Variants in ARHGAP19 observed in about 807,000 individuals in gnomAD.
ARHGAP19 encodes the protein Rho GTPase activating protein 19.
ARHGAP19 carries 48 observed loss-of-function variants against 60.9 expected under a neutral mutation model. The ratio of observed to expected loss-of-function variants is 0.79; its 90% CI spans 0.62 to 1.00. ARHGAP19 has a LOEUF of 1.00. Among genes scored for constraint, ARHGAP19 ranks in the 50% least tolerant of loss-of-function variants. ARHGAP19 has a pLI of 0.00. For synonymous variants in ARHGAP19, 209 were observed against 215.5 expected (o/e 0.97, Z 0.27); for missense variants, 562 against 597.2 (o/e 0.94, Z 0.61).
chr10:97,231,598 T>A (rs1425221784), intron 9 of ARHGAP19, among the ~76,000 whole-genome samples: 1 of 152,222 alleles, frequency 6.6e-6, no homozygotes, highest in Non-Finnish European at 1.5e-5. Flanking sequence ...CTTAGCATAA[T>A]ATCTTCAAGA....
chr10:97,226,330 G>A (rs545509217), intron 11 of ARHGAP19, among the ~76,000 whole-genome samples, 198 bp from the exon 12 acceptor site: 18 of 152,206 alleles, frequency 1.2e-4, no homozygotes, highest in East Asian at 7.7e-4. Flanking sequence ...CTTAATGGCC[G>A]TAACAGCTAA....
intron 6 of ARHGAP19, among the ~76,000 whole-genome samples, chr10:97,250,210 T>C (rs1195977928): frequency 6.6e-6 from 1 of 152,200 alleles, no homozygotes; most frequent in East Asian, 1.9e-4. Flanking sequence ...TGAACATATA[T>C]AGAGAGAGAT....
intron 4 of ARHGAP19, 103 bp from the exon 5 acceptor site, chr10:97,259,731 GA>G: frequency 3.8e-6 from 3 of 797,834 alleles, no homozygotes; most frequent in Non-Finnish European, 6.3e-6. Context: ...AAGAAAGAGG[GA>G]AAAAAGATTC....
chr10:97,279,979 C>G (rs117892662), intron 1 of ARHGAP19, among the ~76,000 whole-genome samples: 6,697 of 152,222 alleles, frequency 0.044, 211 homozygotes, highest in Non-Finnish European at 0.061. Context: ...CCAATTTACT[C>G]ACTCATTTAT....
chr10:97,286,961 T>C (rs1464748397), intron 1 of ARHGAP19, among the ~76,000 whole-genome samples: 1 of 152,136 alleles, frequency 6.6e-6, no homozygotes, highest in Middle Eastern at 3.2e-3. Context: ...GTTGTTGTTG[T>C]TGTTTGTACA....
At chr10:97,256,566 A>G in intron 5 of ARHGAP19, 162 bp from the exon 6 acceptor site, 1 of 543,460 alleles carries the variant, frequency 1.8e-6, no homozygotes, top group South Asian at 2.6e-5. Flanking sequence ...TCAGGATATG[A>G]CATAATCTAG....
chr10:97,288,698 G>A (rs1440005423), intron 1 of ARHGAP19, among the ~76,000 whole-genome samples: 1 of 151,330 alleles, frequency 6.6e-6, no homozygotes, highest in South Asian at 2.1e-4. Context: ...AGAAATGACA[G>A]ACTACTATTC....
At chr10:97,238,816 T>C in intron 8 of ARHGAP19, among the ~76,000 whole-genome samples, 1 of 152,200 alleles carries the variant, frequency 6.6e-6, no homozygotes, top group Non-Finnish European at 1.5e-5. Flanking sequence ...GTCAGCAATG[T>C]CCTAGGTCTT....
intron 1 of ARHGAP19, among the ~76,000 whole-genome samples, chr10:97,288,017 G>A (rs929807483): frequency 7.9e-5 from 12 of 152,224 alleles, no homozygotes; most frequent in African/African-American, 2.6e-4. Flanking sequence ...AGCCAAGATC[G>A]TGCCATTGCA....
rs554584826 is a variant in ARHGAP19, at chr10:97,273,252, T to C, written c.57-7127A>G. On this transcript the variant is annotated intron_variant, in intron 1 of 11. Transcript: ENST00000358531. Reference sequence around the variant, plus strand: ...GTCTTGGCTCACTGCAACCTCCACCTCCCAGATTCAAGCAATTCTCGTGCC... The same window carrying C: ...GTCTTGGCTCACTGCAACCTCCACCCCCCAGATTCAAGCAATTCTCGTGCC... 7.8e-4 allele frequency among the ~76,000 whole-genome samples: 119 copies of C among 152,116 alleles called. 2 individuals are homozygous for C. In the South Asian group the frequency reaches 0.021, roughly 27 times the overall value.
intron 7 of ARHGAP19, among the ~76,000 whole-genome samples, chr10:97,245,540 G>A (rs1032094194): frequency 2.7e-5 from 4 of 149,196 alleles, no homozygotes; most frequent in Admixed American, 2.7e-4. Flanking sequence ...GAGAACCAGG[G>A]AGCCAAGATC....
chr10:97,245,490 G>A (rs1056799257), intron 7 of ARHGAP19, among the ~76,000 whole-genome samples: 7 of 151,286 alleles, frequency 4.6e-5, no homozygotes, highest in Non-Finnish European at 8.8e-5. Context: ...GCATGGTGGT[G>A]CATGCCTGTA....
intron 6 of ARHGAP19, among the ~76,000 whole-genome samples, chr10:97,248,383 C>A: frequency 6.6e-6 from 1 of 151,324 alleles, no homozygotes; most frequent in African/African-American, 2.4e-5. Context: ...TACTGCACTC[C>A]AGCCTGGGTG....
At chr10:97,278,210 C>T (rs930554095) in intron 1 of ARHGAP19, 11 of 153,298 alleles carry the variant, frequency 7.2e-5, no homozygotes, top group African/African-American at 2.7e-4. Context: ...CAGGATCTTT[C>T]GATTTCCAAA....
chr10:97,284,504 A>G (rs1289761796), intron 1 of ARHGAP19, among the ~76,000 whole-genome samples: 1 of 151,968 alleles, frequency 6.6e-6, no homozygotes, highest in African/African-American at 2.4e-5. Flanking sequence ...GAGGGGAAAA[A>G]AGTATATACT....
At chr10:97,259,849 T>TG (rs11372830) in intron 4 of ARHGAP19, among the ~76,000 whole-genome samples, 3,437 of 148,076 alleles carry the variant, frequency 0.023, 126 homozygotes, top group African/African-American at 0.076. Context: ...TGTTTTGTTT[T>TG]TTTTGAGACA....
intron 1 of ARHGAP19, among the ~76,000 whole-genome samples, chr10:97,272,524 G>A (rs1441948883): frequency 6.6e-6 from 1 of 152,092 alleles, no homozygotes; most frequent in African/African-American, 2.4e-5. Context: ...TCTGAACCTA[G>A]AATTTTCTTT....
chr10:97,265,852 T>A lies in ARHGAP19; in HGVS notation c.322+8A>T. ...GGCCTGCCCACCCTTCACAAACACATCTCCTACCCTTTCGCTTGAGAGACA... is the reference window on the plus strand; with the variant it reads ...GGCCTGCCCACCCTTCACAAACACAACTCCTACCCTTTCGCTTGAGAGACA... On this transcript the variant is annotated splice_region_variant and intron_variant, in intron 2 of 11. Transcript: ENST00000358531. The A allele has an allele frequency of 1.2e-6, 2 of 1,613,742 alleles. No individual in the cohort carries two copies. The highest frequency in any genetic ancestry group is 1.7e-6 in the Non-Finnish European group (2 of 1,179,784).
chr10:97,261,066 C>T (rs1052347582), intron 4 of ARHGAP19, among the ~76,000 whole-genome samples: 1 of 148,776 alleles, frequency 6.7e-6, no homozygotes, highest in Non-Finnish European at 1.5e-5. Context: ...TCCTTATTCA[C>T]AAGCTGCTCC....
Sources: gnomAD v4.1 joint callset for allele counts (sites outside exome capture counted in the v4.1 genomes callset) on GRCh38, gnomAD v4.1.1 for gene constraint, MANE v1.5 for transcripts, NCBI Gene and HGNC (gene_info 2026-07-23, HGNC 2026-07-21) for gene names.